DIXDC1: variants seen among roughly 807,000 people sequenced by gnomAD.
DIXDC1 encodes dixin.
A neutral mutation model predicts 103.1 loss-of-function variants in DIXDC1; 64 were observed. The ratio of observed to expected loss-of-function variants is 0.62; its 90% CI spans 0.51 to 0.76. The LOEUF is 0.76. Among genes scored for constraint, DIXDC1 ranks in the 30% least tolerant of loss-of-function variants. The probability of loss-of-function intolerance (pLI) is 0.00; values close to 1 mark genes in which losing one functional copy is unlikely to be tolerated. For missense variants in DIXDC1, 759 were observed against 834.2 expected (o/e 0.91, Z 1.11); for synonymous variants, 266 against 298.5 (o/e 0.89, Z 1.12).
rs797040464 is a variant in DIXDC1, at chr11:112,017,075, CTT to C, written c.1862+293_1862+294del. On this transcript the variant is annotated intron_variant, in intron 18 of 19. Transcript: ENST00000440460. The surrounding 1 kb of genome is among the most constrained non-coding windows in gnomAD (Gnocchi z 4.0). Reference sequence around the variant, plus strand: ...AATATGGCTCTGCATTTGGGAAAATCTTTTTTTTTTTTTTTAAGTGTTCAAAA... The same window carrying C: ...AATATGGCTCTGCATTTGGGAAAATCTTTTTTTTTTTTTAAGTGTTCAAAA... 5.8e-5 allele frequency among the ~76,000 whole-genome samples: 8 copies of C among 138,104 alleles called. No individual in the cohort carries two copies. Among genetic ancestry groups the C allele is most frequent in the Admixed American group, 7.4e-5 (1 of 13,592 alleles). 90.6% of individuals were successfully genotyped at this position (138,104 alleles called of 152,430 possible). A position where few individuals can be genotyped will look rare whatever the true frequency, so the allele number is the denominator to read the frequency against.
intron 17 of DIXDC1, among the ~76,000 whole-genome samples, chr11:112,000,627 G>T (rs1861036682): frequency 6.6e-6 from 1 of 151,916 alleles, no homozygotes; most frequent in African/African-American, 2.4e-5. Flanking sequence ...AATCTGGGAG[G>T]CGGAGGTTGC....
At chr11:111,966,351 T>A (rs1270696013) in intron 2 of DIXDC1, among the ~76,000 whole-genome samples, 2 of 150,020 alleles carry the variant, frequency 1.3e-5, no homozygotes, top group African/African-American at 2.5e-5. Context: ...GCCTCCCAAG[T>A]AACTGGGACT....
chr11:112,016,372 G>C (rs1555177708), intron 17 of DIXDC1, among the ~76,000 whole-genome samples: 1 of 152,136 alleles, frequency 6.6e-6, no homozygotes, highest in Non-Finnish European at 1.5e-5. Flanking sequence ...TCTGCTGTGT[G>C]TCTACCCTGC....
At chr11:111,981,412 G>A (rs587683526) in intron 6 of DIXDC1, among the ~76,000 whole-genome samples, 1 of 152,172 alleles carries the variant, frequency 6.6e-6, no homozygotes, top group South Asian at 2.1e-4. Flanking sequence ...ACTTAGAATT[G>A]TATTTACCCA....
intron 1 of DIXDC1, among the ~76,000 whole-genome samples, chr11:111,944,041 A>G (rs1266794716): frequency 2.0e-5 from 3 of 152,230 alleles, no homozygotes; most frequent in Non-Finnish European, 4.4e-5. Context: ...ATAGAAAAGA[A>G]ATACAATAGG....
In DIXDC1 at chr11:111,995,019, G is replaced by A. The variant is rs1427956411; in HGVS notation, c.1438G>A (p.Ala480Thr). 1 of 1,612,924 alleles carries A rather than the reference G, an allele frequency of 6.2e-7. No individual in the cohort carries two copies. Among genetic ancestry groups the A allele is most frequent in the African/African-American group, 1.3e-5 (1 of 74,876 alleles). ...GCAACATTTCTTCATGCTGCTGTAG[G>A]CGACCAACTACAACAGTCACAACTC... ...AHCMKREADEATNYNSHNSQS... is the reference protein window; with the variant it reads ...AHCMKREADETTNYNSHNSQS... Residue 480 changes from alanine to threonine, a missense_variant and splice_region_variant, in exon 15 of 20, where the codon GCG (alanine) becomes ACG (threonine). By Grantham distance (58) the Ala-to-Thr change is moderately conservative (BLOSUM62 0). Transcript: ENST00000440460.
chr11:111,984,744 A>G (rs973160203), intron 7 of DIXDC1, among the ~76,000 whole-genome samples: 2 of 152,178 alleles, frequency 1.3e-5, no homozygotes, highest in African/African-American at 4.8e-5. Context: ...TTCTTGTTCA[A>G]TAGAGGTTGC....
chr11:111,949,517 C>G (rs1966706024), intron 1 of DIXDC1, among the ~76,000 whole-genome samples: 1 of 152,184 alleles, frequency 6.6e-6, no homozygotes, highest in Non-Finnish European at 1.5e-5. Flanking sequence ...AGGTGCTTAT[C>G]TTCTCTTGCT....
At chr11:112,005,659 C>T (rs1321413884) in intron 17 of DIXDC1, among the ~76,000 whole-genome samples, 1 of 152,186 alleles carries the variant, frequency 6.6e-6, no homozygotes, top group Admixed American at 6.5e-5. Context: ...GATCACACCA[C>T]TGCACTCCAG....
chr11:111,944,547 AG>A (rs1292486601), intron 1 of DIXDC1, among the ~76,000 whole-genome samples: 1 of 152,230 alleles, frequency 6.6e-6, no homozygotes, highest in Non-Finnish European at 1.5e-5. Flanking sequence ...GTGGCAAGAA[AG>A]CTTTCAAGGT....
chr11:111,937,202 T>C, upstream of DIXDC1: 1 of 1,086,220 alleles, frequency 9.2e-7, no homozygotes, highest in Non-Finnish European at 1.1e-6. Context: ...CCGTGCGGCT[T>C]TCCCGCAGGA....
At chr11:112,001,205 C>T (rs1334383985) in intron 17 of DIXDC1, among the ~76,000 whole-genome samples, 1 of 152,134 alleles carries the variant, frequency 6.6e-6, no homozygotes, top group East Asian at 1.9e-4. Flanking sequence ...CAAAAGGGCA[C>T]ATATTGTGTA....
intron 1 of DIXDC1, among the ~76,000 whole-genome samples, chr11:111,964,233 T>A (rs1859657671): frequency 6.6e-6 from 1 of 152,218 alleles, no homozygotes; most frequent in African/African-American, 2.4e-5. Context: ...CCCTCATCCC[T>A]GGTCAACAGA....
intron 7 of DIXDC1, among the ~76,000 whole-genome samples, chr11:111,984,920 C>A (rs1555173653): frequency 7.9e-5 from 12 of 152,106 alleles, no homozygotes; most frequent in Non-Finnish European, 4.4e-5. Context: ...TGAGTTTGAG[C>A]AGCTCCAGTT....
chr11:111,966,731 T>C (rs781187274), intron 2 of DIXDC1, among the ~76,000 whole-genome samples: 6 of 152,196 alleles, frequency 3.9e-5, no homozygotes, highest in Non-Finnish European at 7.3e-5. Context: ...CACAACTTTC[T>C]ATTGTGACTT....
chr11:112,007,922 A>G (rs1861288332), intron 17 of DIXDC1, among the ~76,000 whole-genome samples: 1 of 152,294 alleles, frequency 6.6e-6, no homozygotes, highest in African/African-American at 2.4e-5. Flanking sequence ...ATAAGCAGCT[A>G]ACATCATAAT....
chr11:112,004,012 TAA>T (rs1302837123), intron 17 of DIXDC1, among the ~76,000 whole-genome samples: 2 of 111,432 alleles, frequency 1.8e-5, no homozygotes, highest in African/African-American at 3.5e-5. Context: ...AACCCCATCT[TAA>T]AAAAAAAAAA....
chr11:111,963,809 T>C (rs2137506606), intron 1 of DIXDC1, among the ~76,000 whole-genome samples: 1 of 152,334 alleles, frequency 6.6e-6, no homozygotes, highest in Non-Finnish European at 1.5e-5. Context: ...CTGATAATAC[T>C]GGGCCCTAGC....
In DIXDC1 at chr11:112,000,948, T is replaced by A. The variant is rs782179267; in HGVS notation, c.1756+4802T>A. Among the ~76,000 whole-genome samples the A allele has an allele frequency of 6.6e-5, 10 of 152,130 alleles. No homozygotes were observed. The South Asian group carries it at 2.1e-3, about 32-fold the overall frequency. On this transcript the variant is annotated intron_variant, in intron 17 of 19. Transcript: ENST00000440460. The stretch of plus-strand genomic sequence containing the variant: ...CAAAAAGTTAAACATGGAGTTACCA[T>A]ATGACCCAAAAGAATTGAAAACAGG...
Sources: allele counts gnomAD v4.1 joint callset (sites outside exome capture counted in the v4.1 genomes callset), GRCh38; gene constraint gnomAD v4.1.1; non-coding constraint Gnocchi (gnomAD v3.1); transcripts MANE v1.5; gene names NCBI Gene and HGNC (gene_info 2026-07-23, HGNC 2026-07-21).